Variants in ANXA10 observed in about 807,000 individuals in gnomAD.
ANXA10 encodes annexin A10.
Under a neutral mutation model 53.5 loss-of-function variants are expected in ANXA10, and 49 were observed. The ratio of observed to expected loss-of-function variants is 0.92; its 90% CI spans 0.73 to 1.16. The LOEUF is 1.16. Among genes scored for constraint, ANXA10 ranks in the 50% most tolerant of loss-of-function variants. ANXA10 has a pLI of 0.00. For missense variants in ANXA10, 393 were observed against 394.4 expected, an observed-to-expected ratio of 1.00 and a Z score of 0.03; for synonymous variants, 131 against 128.9, an observed-to-expected ratio of 1.02 and a Z score of -0.11.
chr4:168,142,263 C>T (rs933986323), intron 3 of ANXA10, among the ~76,000 whole-genome samples: 1 of 152,140 alleles, frequency 6.6e-6, no homozygotes. Context: ...CTAATGCCTT[C>T]CCAGGGCACA....
chr4:168,162,648 A>G lies in ANXA10; in HGVS notation c.309+7A>G, dbSNP rs765257405. ...GCTCTGGCATGCCATGAAGGTAGTGATCTGATCCAAAAATATGCCTGTAAC... is the reference window on the plus strand; with the variant it reads ...GCTCTGGCATGCCATGAAGGTAGTGGTCTGATCCAAAAATATGCCTGTAAC... On this transcript the variant is annotated splice_region_variant and intron_variant, in intron 4 of 11. Transcript: ENST00000359299. The G allele has an allele frequency of 6.2e-7, 1 of 1,611,966 alleles. No individual in the cohort carries two copies. The highest frequency in any genetic ancestry group is 1.1e-5 in the South Asian group (1 of 91,028).
At chr4:168,156,773 G>A (rs1731692027) in intron 3 of ANXA10, among the ~76,000 whole-genome samples, 1 of 151,820 alleles carries the variant, frequency 6.6e-6, no homozygotes, top group African/African-American at 2.4e-5. Context: ...AAAGTGCTGG[G>A]GTTACAGGCA....
At chr4:168,155,328 G>C (rs1731589204) in intron 3 of ANXA10, among the ~76,000 whole-genome samples, 2 of 120,070 alleles carry the variant, frequency 1.7e-5, no homozygotes, top group Non-Finnish European at 3.2e-5. Context: ...TATATTATAT[G>C]TATTACATTA....
At chr4:168,181,196 C>A (rs377393534) in intron 9 of ANXA10, among the ~76,000 whole-genome samples, 24 of 151,952 alleles carry the variant, frequency 1.6e-4, no homozygotes, top group African/African-American at 5.5e-4. Flanking sequence ...TCGAGACCAT[C>A]CTGGCTAACA....
intron 1 of ANXA10, among the ~76,000 whole-genome samples, chr4:168,107,149 T>C (rs1409253573): frequency 6.6e-6 from 1 of 152,104 alleles, no homozygotes; most frequent in African/African-American, 2.4e-5. Context: ...GGCAGTAATA[T>C]AAGCAGACCA....
At chr4:168,179,469 G>A (rs193095344) in intron 9 of ANXA10, among the ~76,000 whole-genome samples, 157 bp downstream of exon 9, 28 of 152,304 alleles carry the variant, frequency 1.8e-4, no homozygotes, top group African/African-American at 6.3e-4. Context: ...TAGGGGAAGA[G>A]TACATCAGCT....
At chr4:168,100,858 T>A (rs1366534328) in intron 1 of ANXA10, among the ~76,000 whole-genome samples, 1 of 152,118 alleles carries the variant, frequency 6.6e-6, no homozygotes, top group African/African-American at 2.4e-5. Context: ...CTTTCCCTAA[T>A]GTTTACATTT....
chr4:168,179,830 T>C (rs867047472), intron 9 of ANXA10, among the ~76,000 whole-genome samples: 3 of 152,202 alleles, frequency 2.0e-5, no homozygotes, highest in African/African-American at 7.2e-5. Context: ...TGCTCCTTCC[T>C]AAGTAAGAAA....
At chr4:168,112,262 C>A (rs981990869) in intron 1 of ANXA10, among the ~76,000 whole-genome samples, 1 of 152,154 alleles carries the variant, frequency 6.6e-6, no homozygotes, top group Admixed American at 6.5e-5. Flanking sequence ...TACCACTGCA[C>A]TCCAGAGCCT....
intron 1 of ANXA10, among the ~76,000 whole-genome samples, chr4:168,122,478 A>G (rs780815845): frequency 9.2e-5 from 14 of 152,244 alleles, no homozygotes; most frequent in Non-Finnish European, 1.9e-4. Flanking sequence ...CTAGAACCGA[A>G]TTCAATATAT....
intron 3 of ANXA10, among the ~76,000 whole-genome samples, chr4:168,153,447 ACAAAAACAAAAC>A (rs1560782314): frequency 0.011 from 662 of 57,810 alleles, 28 homozygotes; most frequent in African/African-American, 0.017. Context: ...AAAAACAAAA[ACAAAAACAAAAC>A]AAAAAAAAAA....
chr4:168,118,090 CTTTT>C (rs1012456005), intron 1 of ANXA10, among the ~76,000 whole-genome samples: 5 of 147,634 alleles, frequency 3.4e-5, no homozygotes, highest in Non-Finnish European at 7.5e-5. Flanking sequence ...GCCGGAGATT[CTTTT>C]TTTTTTTTTT....
chr4:168,130,678 G>A, intron 2 of ANXA10, among the ~76,000 whole-genome samples: 1 of 151,962 alleles, frequency 6.6e-6, no homozygotes, highest in East Asian at 1.9e-4. Context: ...TTGTCTATGA[G>A]TTTGGGTAGG....
intron 1 of ANXA10, among the ~76,000 whole-genome samples, chr4:168,116,334 T>C (rs1730893589): frequency 6.6e-6 from 1 of 152,184 alleles, no homozygotes; most frequent in African/African-American, 2.4e-5. Flanking sequence ...GCTACAGATA[T>C]GACCAGCTTG....
intron 1 of ANXA10, among the ~76,000 whole-genome samples, chr4:168,115,495 A>ACG (rs201109740): frequency 0.01 from 1,108 of 110,610 alleles, 12 homozygotes; most frequent in African/African-American, 0.037. Context: ...TACAATACAC[A>ACG]CGCACACACA....
intron 3 of ANXA10, among the ~76,000 whole-genome samples, chr4:168,144,340 C>A (rs1731373992): frequency 6.6e-6 from 1 of 152,154 alleles, no homozygotes; most frequent in Admixed American, 6.5e-5. Context: ...GACCGTGCAA[C>A]CACGCCCAGC....
chr4:168,105,046 C>T (rs1328274470), intron 1 of ANXA10, among the ~76,000 whole-genome samples: 1 of 151,556 alleles, frequency 6.6e-6, no homozygotes, highest in Non-Finnish European at 1.5e-5. Flanking sequence ...TGTTTCTTCT[C>T]TTGTTTTGAT....
At chr4:168,118,415 C>G (rs1395359158) in intron 1 of ANXA10, among the ~76,000 whole-genome samples, 1 of 152,182 alleles carries the variant, frequency 6.6e-6, no homozygotes, top group African/African-American at 2.4e-5. Flanking sequence ...TCTGCAGGGT[C>G]TCACTCACTT....
chr4:168,102,007 C>A (rs1286214274), intron 1 of ANXA10, among the ~76,000 whole-genome samples: 1 of 152,002 alleles, frequency 6.6e-6, no homozygotes, highest in East Asian at 1.9e-4. Context: ...TTTGTTTAAC[C>A]CTACCATACA....
Sources: gnomAD v4.1 joint callset for allele counts (sites outside exome capture counted in the v4.1 genomes callset) on GRCh38, gnomAD v4.1.1 for gene constraint, MANE v1.5 for transcripts, NCBI Gene and HGNC (gene_info 2026-07-23, HGNC 2026-07-21) for gene names.